The following GALNT13 variants were observed in gnomAD, a reference collection of about 807,000 sequenced individuals.
The protein encoded by GALNT13 is polypeptide N-acetylgalactosaminyltransferase 13, also known as UDP-GalNAc:polypeptide N-acetylgalactosaminyltransferase 13.
A neutral mutation model predicts 64.2 loss-of-function variants in GALNT13; 28 were observed. The observed-to-expected ratio is 0.44, with a 90% CI of 0.32 to 0.60. The LOEUF (loss-of-function observed/expected upper bound fraction) is 0.60. Among genes scored for constraint, GALNT13 ranks in the 20% least tolerant of loss-of-function variants. The pLI is 0.05. For missense variants in GALNT13, 577 were observed against 669.8 expected, an observed-to-expected ratio of 0.86 and a Z score of 1.53; for synonymous variants, 214 against 224.6, an observed-to-expected ratio of 0.95 and a Z score of 0.42.
chr2:153,535,176 T>A, the GALNT13 span, among the ~76,000 whole-genome samples: 77,244 of 151,614 alleles, frequency 0.51, 20,604 homozygotes, highest in East Asian at 0.76. Flanking sequence ...AAGAAACATT[T>A]GCCGTATAGA....
chr2:154,144,766 A>G (rs1683467893), intron 4 of GALNT13, among the ~76,000 whole-genome samples: 1 of 152,038 alleles, frequency 6.6e-6, no homozygotes, highest in Admixed American at 6.6e-5. Context: ...AGGTAAAAAT[A>G]GTTTTTCTTG....
the GALNT13 span, among the ~76,000 whole-genome samples, chr2:153,740,806 T>A: frequency 6.6e-6 from 1 of 152,158 alleles, no homozygotes; most frequent in Admixed American, 6.6e-5. Flanking sequence ...TTTGCATATA[T>A]GCTTTGTTCA....
At chr2:154,091,990 A>AAAAGCCCCATCTGGCAACCGTGTTACT (rs1701832857) in intron 3 of GALNT13, among the ~76,000 whole-genome samples, 1 of 151,270 alleles carries the variant, frequency 6.6e-6, no homozygotes, top group Non-Finnish European at 1.5e-5. Context: ...TTAGATAGGC[A>AAAAGCCCCATCTGGCAACCGTGTTACT]AAAGCCCCAT....
At chr2:154,354,086 T>C (rs1055492061) in intron 9 of GALNT13, among the ~76,000 whole-genome samples, 2 of 152,202 alleles carry the variant, frequency 1.3e-5, no homozygotes, top group Admixed American at 1.3e-4. Context: ...ACTTGTCTCA[T>C]TGATAAGAGC....
At chr2:153,341,226 A>G in the GALNT13 span, among the ~76,000 whole-genome samples, 1 of 152,236 alleles carries the variant, frequency 6.6e-6, no homozygotes, top group Non-Finnish European at 1.5e-5. Flanking sequence ...TATAAAGATT[A>G]TATAATATTT....
chr2:153,137,639 A>C, the GALNT13 span, among the ~76,000 whole-genome samples: 1 of 152,022 alleles, frequency 6.6e-6, no homozygotes, highest in Non-Finnish European at 1.5e-5. Flanking sequence ...CAAACAGTGA[A>C]AATTACTTTA....
chr2:154,022,221 A>G (rs112038935), intron 3 of GALNT13, among the ~76,000 whole-genome samples: 10,797 of 152,254 alleles, frequency 0.071, 450 homozygotes, highest in Middle Eastern at 0.13. Context: ...GCCTCATAAA[A>G]TGAGTTAGGG....
At position 154,000,443 on chromosome 2, in the gene GALNT13, TG is replaced by T. The variant is rs1407876326; in HGVS notation, c.142+55805del. On this transcript the variant is annotated intron_variant, in intron 3 of 12. Coordinates refer to ENST00000392825, the MANE Select transcript of GALNT13 (RefSeq NM_052917.4). The stretch of plus-strand genomic sequence containing the variant: ...CTTCTTTTTTGATGTAGAATTATGT[TG>T]CTCTAAAATTTTCTCATAGAACTAT... Among the ~76,000 whole-genome samples, 3 of 152,032 alleles carry T rather than the reference TG, an allele frequency of 2.0e-5. No homozygotes were observed. The East Asian group carries it at 5.8e-4, about 29-fold the overall frequency.
intron 3 of GALNT13, among the ~76,000 whole-genome samples, chr2:154,029,428 G>T (rs1195929950): frequency 1.3e-5 from 2 of 151,984 alleles, no homozygotes; most frequent in African/African-American, 4.8e-5. Context: ...AAAAGAAATG[G>T]CTATCCATGT....
chr2:154,333,926 G>A (rs947092223), intron 9 of GALNT13, among the ~76,000 whole-genome samples: 2 of 151,980 alleles, frequency 1.3e-5, no homozygotes, highest in African/African-American at 4.8e-5. Context: ...GATACTAATC[G>A]TGGAAGATAA....
chr2:153,192,789 T>C, the GALNT13 span, among the ~76,000 whole-genome samples: 2 of 152,140 alleles, frequency 1.3e-5, no homozygotes, highest in Non-Finnish European at 2.9e-5. Context: ...TTAAAGTTTG[T>C]TTTATTTAAT....
chr2:153,744,135 C>A, the GALNT13 span, among the ~76,000 whole-genome samples: 1 of 152,118 alleles, frequency 6.6e-6, no homozygotes, highest in Non-Finnish European at 1.5e-5. Context: ...TTGCAATAAA[C>A]ATGGGAGTAT....
At chr2:154,086,810 A>T (rs1701553901) in intron 3 of GALNT13, among the ~76,000 whole-genome samples, 1 of 152,152 alleles carries the variant, frequency 6.6e-6, no homozygotes, top group Non-Finnish European at 1.5e-5. Flanking sequence ...ATCCAGATTG[A>T]TGCCCTAATA....
intron 1 of GALNT13, among the ~76,000 whole-genome samples, chr2:153,893,505 T>G (rs2105273339): frequency 6.6e-6 from 1 of 152,224 alleles, no homozygotes; most frequent in Non-Finnish European, 1.5e-5. Flanking sequence ...CATTTAGACG[T>G]AACAATGTTA....
At chr2:153,671,781 G>A in the GALNT13 span, among the ~76,000 whole-genome samples, 10 of 151,932 alleles carry the variant, frequency 6.6e-5, no homozygotes, top group Non-Finnish European at 1.0e-4. Context: ...GTCAAGACCC[G>A]TTGGTGTGCT....
At chr2:153,078,475 C>T in the GALNT13 span, among the ~76,000 whole-genome samples, 4,396 of 152,034 alleles carry the variant, frequency 0.029, 223 homozygotes, top group African/African-American at 0.1. Flanking sequence ...CCACACTTGG[C>T]TAATTTTTGT....
At chr2:154,132,197 G>C (rs985095054) in intron 3 of GALNT13, among the ~76,000 whole-genome samples, 6 of 152,068 alleles carry the variant, frequency 3.9e-5, no homozygotes, top group African/African-American at 1.4e-4. Flanking sequence ...AACAAATCAA[G>C]TTGACACTCA....
chr2:153,707,043 G>A, the GALNT13 span, among the ~76,000 whole-genome samples: 1 of 152,100 alleles, frequency 6.6e-6, no homozygotes, highest in Non-Finnish European at 1.5e-5. Context: ...AGAAAGAGGA[G>A]TTCCCCTGCA....
the GALNT13 span, among the ~76,000 whole-genome samples, chr2:153,094,060 A>G: frequency 0.37 from 56,110 of 151,790 alleles, 11,374 homozygotes; most frequent in Non-Finnish European, 0.47. Flanking sequence ...TATTTGGATC[A>G]TCTCTCTCTG....
Sources: gnomAD v4.1 joint callset for allele counts (sites outside exome capture counted in the v4.1 genomes callset) on GRCh38, gnomAD v4.1.1 for gene constraint, MANE v1.5 for transcripts, NCBI Gene and HGNC (gene_info 2026-07-23, HGNC 2026-07-21) for gene names.